MSH6: variants seen among roughly 807,000 people sequenced by gnomAD.
MSH6 encodes DNA mismatch repair protein Msh6.
MSH6 carries 85 observed loss-of-function variants against 119.1 expected under a neutral mutation model. The ratio of observed to expected loss-of-function variants is 0.71; its 90% CI spans 0.60 to 0.85. The LOEUF (loss-of-function observed/expected upper bound fraction) is 0.85, where lower values mean the gene tolerates loss of function less well. MSH6 is among the 40% of genes least tolerant of loss of function. MSH6 has a pLI of 0.00. For missense variants in MSH6, 2,163 were observed against 1,655.3 expected (o/e 1.31, Z -5.32); for synonymous variants, 830 against 586.9 (o/e 1.41, Z -5.99).
chr2:47,783,582 G>T, intron 1 of MSH6, 89 bp downstream of exon 1: 1 of 1,300,618 alleles, frequency 7.7e-7, no homozygotes, highest in Middle Eastern at 2.8e-4. Context: ...GGGGGTTGGG[G>T]GGGTGCACGG....
At chr2:47,808,493 T>TTA (rs1315902568), downstream of MSH6, 11 of 1,145,348 alleles carry the variant, frequency 9.6e-6, no homozygotes, top group Non-Finnish European at 1.2e-5. Context: ...TCCATTCTGT[T>TTA]TATATATTAC....
rs1553413170 is a variant in MSH6, at chr2:47,799,767, T to C, written c.1784T>C (p.Leu595Ser). 1.2e-6 allele frequency: 2 copies of C among 1,614,208 alleles called. No homozygotes were observed. Among genetic ancestry groups the C allele is most frequent in the Non-Finnish European group, 1.7e-6 (2 of 1,180,024 alleles). Reference sequence around the variant, plus strand: ...GCACACTATCCCCCAGTACAAGTTTTATTTGAAAAAGGAAATCTCTCAAAG... The same window carrying C: ...GCACACTATCCCCCAGTACAAGTTTCATTTGAAAAAGGAAATCTCTCAAAG... ...LVAHYPPVQVLFEKGNLSKET... is the reference protein window; with the variant it reads ...LVAHYPPVQVSFEKGNLSKET... Residue 595 changes from leucine (L) to serine (S), a missense_variant, in exon 4 of 10, where the codon TTA (leucine) becomes TCA (serine). By Grantham distance (145) the Leu-to-Ser change is moderately radical. Coordinates refer to ENST00000234420, the MANE Select transcript of MSH6 (RefSeq NM_000179.3).
At chr2:47,804,786 G>T in intron 5 of MSH6, 124 bp from the exon 6 acceptor site, 2 of 783,936 alleles carry the variant, frequency 2.6e-6, no homozygotes, top group South Asian at 1.4e-5. Flanking sequence ...CAGAACCAAC[G>T]TACATGTGAT....
In MSH6 at chr2:47,806,625, G is replaced by C. The variant is rs1670146687; in HGVS notation, c.3975G>C (p.Lys1325Asn). The C allele has an allele frequency of 6.2e-7, 1 of 1,611,602 alleles. No individual in the cohort carries two copies. Among genetic ancestry groups the C allele is most frequent in the African/African-American group, 1.3e-5 (1 of 74,866 alleles). ...ATAGAAAAGCAAGAGAATTTGAGAA[G>C]ATGAATCAGTCACTACGATTATTTC... ...KGHRKAREFE[K>N]MNQSLRLFRE... Residue 1325 changes from lysine (K) to asparagine (N), a missense_variant, in exon 9 of 10, where the codon AAG (lysine) becomes AAC (asparagine). By Grantham distance (94) the Lys-to-Asn change is moderately conservative. Transcript: ENST00000234420.
At chr2:47,789,863 C>T (rs1042575371) in intron 1 of MSH6, among the ~76,000 whole-genome samples, 7 of 151,404 alleles carry the variant, frequency 4.6e-5, no homozygotes, top group African/African-American at 1.5e-4. Context: ...TGCTCTGTTG[C>T]CCAGGCTGGA....
At chr2:47,783,528 A>T (rs1199593410) in intron 1 of MSH6, 35 bp downstream of exon 1, 2 of 1,403,666 alleles carry the variant, frequency 1.4e-6, no homozygotes, top group South Asian at 1.6e-5. Context: ...AGGCGGGGGC[A>T]TAGCGGCGGG....
downstream of MSH6, chr2:47,807,417 G>C (rs1359557962): frequency 1.9e-5 from 4 of 205,802 alleles, no homozygotes; most frequent in Non-Finnish European, 4.0e-5. Flanking sequence ...TGCTGCACAG[G>C]GAAGGGAAGG....
intron 1 of MSH6, among the ~76,000 whole-genome samples, chr2:47,790,158 A>C (rs1668640649): frequency 6.6e-6 from 1 of 152,176 alleles, no homozygotes; most frequent in Middle Eastern, 3.2e-3. Flanking sequence ...GCGGTGGCTC[A>C]CGCCTGTAAT....
intron 3 of MSH6, among the ~76,000 whole-genome samples, chr2:47,797,492 C>T (rs1311084987): frequency 2.0e-5 from 3 of 152,126 alleles, no homozygotes; most frequent in African/African-American, 7.2e-5. Context: ...GATGAGACAG[C>T]CAATTGTGGA....
chr2:47,798,627 T>G lies in MSH6; in HGVS notation c.644T>G (p.Val215Gly), dbSNP rs587779946. Residue 215 changes from valine to glycine, a missense_variant, in exon 4 of 10, where the codon GTA becomes GGA. By Grantham distance (109) the Val-to-Gly change is moderately radical (BLOSUM62 -3). Coordinates refer to ENST00000234420, the MANE Select transcript of MSH6 (RefSeq NM_000179.3). Reference protein sequence around the residue: ...EEEMEVGTTYVTDKSEEDNEI... With the variant: ...EEEMEVGTTYGTDKSEEDNEI... ...GCCTGGCAGGTAGGCACAACTTACG[T>G]AACAGATAAGAGTGAAGAAGATAAT... 3 of 1,610,984 alleles carry G rather than the reference T, an allele frequency of 1.9e-6. No homozygotes were observed. Among genetic ancestry groups the G allele is most frequent in the East Asian group, 4.5e-5 (2 of 44,896 alleles).
intron 2 of MSH6, among the ~76,000 whole-genome samples, chr2:47,792,258 C>T (rs1471019624): frequency 1.3e-5 from 2 of 152,056 alleles, no homozygotes; most frequent in Non-Finnish European, 2.9e-5. Flanking sequence ...CAAGAGTCTC[C>T]AGTCTAGTAC....
At chr2:47,809,754 T>G (rs760880929), downstream of MSH6, 118 of 1,279,080 alleles carry the variant, frequency 9.2e-5, no homozygotes, top group Non-Finnish European at 1.2e-4. Context: ...TTATACTGCT[T>G]CTTAAAAACC....
chr2:47,800,529 C>T lies in MSH6; in HGVS notation c.2546C>T (p.Thr849Ile), dbSNP rs1328434414. 6.2e-7 allele frequency: 1 copy of T among 1,613,240 alleles called. No homozygotes were observed. Among genetic ancestry groups the T allele is most frequent in the Non-Finnish European group, 8.5e-7 (1 of 1,179,860 alleles). The change falls in exon 4 of 10, where the codon ACA becomes ATA. Residue 849 changes from threonine (T) to isoleucine (I), a missense_variant. Physicochemically the swap from Thr to Ile is moderately conservative, Grantham distance 89. Coordinates refer to ENST00000234420, the MANE Select transcript of MSH6 (RefSeq NM_000179.3). ...DSRAIMYEET[T>I]YSKKKIIDFL... ...AGGGCTATAATGTATGAAGAAACTA[C>T]ATACAGCAAGAAGAAGATTATTGAT... is the stretch of plus-strand genomic sequence containing the variant.
chr2:47,791,286 G>A (rs1395235686), intron 2 of MSH6, among the ~76,000 whole-genome samples, 163 bp downstream of exon 2: 1 of 152,128 alleles, frequency 6.6e-6, no homozygotes, highest in Non-Finnish European at 1.5e-5. Flanking sequence ...CATGGGAAAG[G>A]GATGTAACAT....
chr2:47,804,984 T>TA lies in MSH6; in HGVS notation c.3514dup (p.Arg1172LysfsTer5), dbSNP rs63751327. 15 of 1,614,004 alleles carry TA rather than the reference T, an allele frequency of 9.3e-6. No individual in the cohort carries two copies. The highest frequency in any genetic ancestry group is 4.5e-5 in the East Asian group (2 of 44,900). The stretch of plus-strand genomic sequence containing the variant: ...AAGTGTGCAGGCTCACACCAATTGA[T>TA]AGAGTGTTTACTAGACTTGGTGCCT... On this transcript the variant is annotated frameshift_variant, in exon 6 of 10. Coordinates refer to ENST00000234420, the MANE Select transcript of MSH6 (RefSeq NM_000179.3). LOFTEE classifies it high-confidence loss of function.
At position 47,806,431 on chromosome 2, in the gene MSH6, C is replaced by CTAA; in HGVS notation, c.3802-18_3802-16dup. 1.9e-6 allele frequency: 3 copies of CTAA among 1,613,894 alleles called. No homozygotes were observed. The highest frequency in any genetic ancestry group is 2.5e-6 in the Non-Finnish European group (3 of 1,179,880). On this transcript the variant is annotated intron_variant, in intron 8 of 9. Coordinates refer to ENST00000234420, the MANE Select transcript of MSH6 (RefSeq NM_000179.3). ...ACTTCTCTTGCTAGCACATGTATCG[C>CTAA]TAATATTTTTCTTTCTTAAGGCATG... is the stretch of plus-strand genomic sequence containing the variant.
In MSH6 at chr2:47,793,325, A is replaced by ATC; in HGVS notation, c.457+2202_457+2203insTC. Among the ~76,000 whole-genome samples the ATC allele has an allele frequency of 3.2e-5, 4 of 124,230 alleles. 1 individual carries two copies. Among genetic ancestry groups the ATC allele is most frequent in the Middle Eastern group, 7.9e-3 (2 of 254 alleles). The allele number at this position is 124,230 out of a possible 152,430, so 81.5% of individuals were successfully genotyped here. ...GACAGAGCGAGACTGTCTCAAAAAA[A>ATC]AAAAAAAAAAAAAAAAAAAAAAGGC... On this transcript the variant is annotated intron_variant, in intron 2 of 9. Coordinates refer to ENST00000234420, the MANE Select transcript of MSH6 (RefSeq NM_000179.3).
chr2:47,809,127 T>C, downstream of MSH6: 1 of 1,360,986 alleles, frequency 7.3e-7, no homozygotes, highest in Non-Finnish European at 1.0e-6. Flanking sequence ...AGTCTTCCTC[T>C]TTTCAGGACT....
At chr2:47,785,491 T>A (rs1668297851) in intron 1 of MSH6, among the ~76,000 whole-genome samples, 1 of 152,206 alleles carries the variant, frequency 6.6e-6, no homozygotes, top group Non-Finnish European at 1.5e-5. Context: ...GTGCTGGGAT[T>A]ACAGGTGTGA....
Sources: allele counts gnomAD v4.1 joint callset (sites outside exome capture counted in the v4.1 genomes callset), GRCh38; gene constraint gnomAD v4.1.1; transcripts MANE v1.5; gene names NCBI Gene and HGNC (gene_info 2026-07-23, HGNC 2026-07-21).